GNAQ: variants seen among roughly 807,000 people sequenced by gnomAD.
GNAQ encodes the protein G protein subunit alpha q, also known as guanine nucleotide-binding protein G(q) subunit alpha.
In GNAQ, 8 loss-of-function variants were observed where a neutral mutation model predicts 43.9. That is an observed-to-expected ratio of 0.18 (90% CI 0.11 to 0.33). The LOEUF (loss-of-function observed/expected upper bound fraction) is 0.33. GNAQ is among the 10% of genes least tolerant of loss of function. GNAQ has a pLI of 1.00. For synonymous variants in GNAQ, 155 were observed against 170.7 expected, an observed-to-expected ratio of 0.91 and a Z score of 0.71; for missense variants, 158 against 450.8, an observed-to-expected ratio of 0.35 and a Z score of 5.88.
At chr9:77,724,476 C>T (rs564191436) in intron 6 of GNAQ, among the ~76,000 whole-genome samples, 5 of 152,284 alleles carry the variant, frequency 3.3e-5, no homozygotes, top group Admixed American at 2.6e-4. Context: ...AGATTACAGG[C>T]GTGAGCCACC....
rs1825398841 is a variant in GNAQ, at chr9:77,726,538, A to T, written c.889+1976T>A. Among the ~76,000 whole-genome samples, 3 of 152,240 alleles carry T rather than the reference A, an allele frequency of 2.0e-5. No homozygotes were observed. In the South Asian group the frequency reaches 6.2e-4, roughly 32 times the overall value. On this transcript the variant is annotated intron_variant, in intron 6 of 6. Coordinates refer to ENST00000286548, the MANE Select transcript of GNAQ (RefSeq NM_002072.5). ...CCCTGATGTGTTTGTATCATCATAG[A>T]AAGCTATGAAGCTAAATTTAATCTT...
chr9:77,824,880 C>T (rs1827169396), intron 2 of GNAQ, among the ~76,000 whole-genome samples: 2 of 152,110 alleles, frequency 1.3e-5, no homozygotes, highest in Non-Finnish European at 2.9e-5. Flanking sequence ...CATAAGAAAA[C>T]CTGGAATAAA....
chr9:77,821,882 T>C (rs950414165), intron 2 of GNAQ, among the ~76,000 whole-genome samples: 89 of 152,142 alleles, frequency 5.8e-4, no homozygotes, highest in African/African-American at 2.1e-3. Flanking sequence ...TCATTAAAAT[T>C]CAAAACAATT....
At chr9:77,760,588 C>T (rs1192871940) in intron 5 of GNAQ, among the ~76,000 whole-genome samples, 2 of 152,196 alleles carry the variant, frequency 1.3e-5, no homozygotes, top group Admixed American at 6.5e-5. Context: ...CTGCCTTGGC[C>T]TCCCAAAGTG....
chr9:77,997,592 C>A (rs900189873), intron 1 of GNAQ, among the ~76,000 whole-genome samples: 2 of 152,144 alleles, frequency 1.3e-5, no homozygotes, highest in Non-Finnish European at 2.9e-5. Flanking sequence ...GGATCCCCTT[C>A]CTGTGGTCAA....
intron 2 of GNAQ, among the ~76,000 whole-genome samples, chr9:77,820,672 T>G (rs1387691477): frequency 2.0e-5 from 3 of 152,220 alleles, no homozygotes; most frequent in African/African-American, 7.2e-5. Context: ...CTTCTTAAAC[T>G]TGGCATTAGA....
chr9:77,962,845 T>C (rs1356442927), intron 1 of GNAQ, among the ~76,000 whole-genome samples: 1 of 128,678 alleles, frequency 7.8e-6, no homozygotes, highest in Admixed American at 9.8e-5. Flanking sequence ...TGAGCCAAGA[T>C]CACGCCATTG....
intron 1 of GNAQ, 150 bp downstream of exon 1, chr9:78,030,950 G>A (rs1824049137): frequency 5.0e-6 from 2 of 401,106 alleles, no homozygotes; most frequent in African/African-American, 4.2e-5. Context: ...GCGCCCGCGC[G>A]GGTGAAGGCA....
intron 1 of GNAQ, among the ~76,000 whole-genome samples, chr9:78,004,785 C>T (rs980921091): frequency 1.3e-5 from 2 of 151,890 alleles, no homozygotes; most frequent in African/African-American, 4.8e-5. Flanking sequence ...TTTTGAAACA[C>T]GGTAGGATTT....
At chr9:77,938,973 C>G (rs1829274644) in intron 1 of GNAQ, among the ~76,000 whole-genome samples, 1 of 152,182 alleles carries the variant, frequency 6.6e-6, no homozygotes. Context: ...ACAGGGCCCC[C>G]TGCCCCTCTG....
chr9:77,860,361 C>CA (rs1316362537), intron 2 of GNAQ, among the ~76,000 whole-genome samples: 2 of 152,160 alleles, frequency 1.3e-5, no homozygotes, highest in Non-Finnish European at 2.9e-5. Flanking sequence ...AAGATGACCC[C>CA]ATCTCACTGC....
At chr9:77,970,944 A>G (rs572579729) in intron 1 of GNAQ, among the ~76,000 whole-genome samples, 12 of 152,300 alleles carry the variant, frequency 7.9e-5, no homozygotes, top group African/African-American at 2.6e-4. Flanking sequence ...GATAAAGGGG[A>G]TATCACCACC....
At chr9:77,810,033 T>C (rs1038878448) in intron 3 of GNAQ, among the ~76,000 whole-genome samples, 5 of 152,222 alleles carry the variant, frequency 3.3e-5, no homozygotes, top group Non-Finnish European at 7.3e-5. Context: ...GTCAATTTTA[T>C]ATAATTTTCC....
intron 2 of GNAQ, among the ~76,000 whole-genome samples, chr9:77,920,391 T>G (rs556506062): frequency 1.3e-5 from 2 of 152,258 alleles, no homozygotes; most frequent in South Asian, 4.2e-4. Context: ...ACTGGCAGTG[T>G]GGTGTGTATA....
intron 2 of GNAQ, among the ~76,000 whole-genome samples, chr9:77,883,125 C>T (rs1168166774): frequency 1.3e-5 from 2 of 152,114 alleles, no homozygotes; most frequent in Non-Finnish European, 2.9e-5. Context: ...AAAACATAGT[C>T]GCTGGAAGTT....
chr9:78,010,011 G>A (rs1165133248), intron 1 of GNAQ, among the ~76,000 whole-genome samples: 4 of 152,180 alleles, frequency 2.6e-5, no homozygotes, highest in Non-Finnish European at 5.9e-5. Context: ...TGCTGTAATT[G>A]TTGGGATAAT....
chr9:77,783,401 G>A (rs1826427002), intron 5 of GNAQ, among the ~76,000 whole-genome samples: 1 of 152,046 alleles, frequency 6.6e-6, no homozygotes, highest in Non-Finnish European at 1.5e-5. Flanking sequence ...TTTTAAAATG[G>A]TACTTTTTGG....
intron 3 of GNAQ, among the ~76,000 whole-genome samples, chr9:77,802,203 T>C (rs1340572386): frequency 6.6e-6 from 1 of 151,798 alleles, no homozygotes; most frequent in Non-Finnish European, 1.5e-5. Context: ...AAAAAAACCC[T>C]GCATTTTTCA....
At chr9:77,769,153 C>A (rs1564105440) in intron 5 of GNAQ, among the ~76,000 whole-genome samples, 1 of 152,120 alleles carries the variant, frequency 6.6e-6, no homozygotes, top group Non-Finnish European at 1.5e-5. Flanking sequence ...GTAATTCCAG[C>A]ACTTTGGGAG....
Sources: allele counts gnomAD v4.1 joint callset (sites outside exome capture counted in the v4.1 genomes callset), GRCh38; gene constraint gnomAD v4.1.1; transcripts MANE v1.5; gene names NCBI Gene and HGNC (gene_info 2026-07-23, HGNC 2026-07-21).